Variants in NOC2L observed in about 807,000 individuals in gnomAD.
The protein encoded by NOC2L is nucleolar complex protein 2 homolog.
Under a neutral mutation model 94.2 loss-of-function variants are expected in NOC2L, and 101 were observed. The ratio of observed to expected loss-of-function variants is 1.07; its 90% confidence interval spans 0.91 to 1.26. NOC2L has a LOEUF of 1.26. NOC2L is among the 50% of genes most tolerant of loss of function. The probability of loss-of-function intolerance (pLI) is 0.00; values close to 1 mark genes in which losing one functional copy is unlikely to be tolerated. For missense variants in NOC2L, 1,076 were observed against 980.1 expected (o/e 1.10, Z -1.31); for synonymous variants, 531 against 413.4 (o/e 1.28, Z -3.45).
intron 6 of NOC2L, among the ~76,000 whole-genome samples, chr1:955,550 G>A (rs562997591): frequency 1.3e-5 from 2 of 152,200 alleles, no homozygotes; most frequent in African/African-American, 4.8e-5. Flanking sequence ...CACAGCTCCA[G>A]GAAACAGGCC....
intron 12 of NOC2L, among the ~76,000 whole-genome samples, chr1:949,853 C>T (rs1446512688): frequency 6.6e-6 from 1 of 152,204 alleles, no homozygotes; most frequent in Non-Finnish European, 1.5e-5. Flanking sequence ...GTGCCTGGGG[C>T]TTCCATACCT....
At chr1:952,720 G>A (rs984700017) in intron 9 of NOC2L, 120 bp from the exon 10 acceptor site, 40 of 983,866 alleles carry the variant, frequency 4.1e-5, no homozygotes, top group South Asian at 3.2e-4. Context: ...AGGAAGAGCC[G>A]TAGCCCCTTG....
At chr1:955,707 CT>C (rs1233897104) in intron 6 of NOC2L, among the ~76,000 whole-genome samples, 5 of 152,222 alleles carry the variant, frequency 3.3e-5, no homozygotes, top group Admixed American at 1.3e-4. Context: ...GACAACTTCC[CT>C]TTTCAGGAAG....
intron 12 of NOC2L, among the ~76,000 whole-genome samples, chr1:949,495 A>G (rs955541809): frequency 6.6e-6 from 1 of 152,236 alleles, no homozygotes; most frequent in Non-Finnish European, 1.5e-5. Flanking sequence ...GGCACGGCCT[A>G]CAGCTGAGGG....
intron 12 of NOC2L, among the ~76,000 whole-genome samples, chr1:950,298 G>A (rs1642219684): frequency 6.6e-6 from 1 of 151,412 alleles, no homozygotes; most frequent in Non-Finnish European, 1.5e-5. Flanking sequence ...GGTGCACACA[G>A]GTACATAGAT....
chr1:945,983 C>T (rs1642096885), intron 16 of NOC2L, among the ~76,000 whole-genome samples, 190 bp downstream of exon 16: 1 of 152,228 alleles, frequency 6.6e-6, no homozygotes, highest in Admixed American at 6.5e-5. Context: ...CTGGGGCTTC[C>T]CCTCCCTGGA....
intron 12 of NOC2L, among the ~76,000 whole-genome samples, chr1:948,820 GTCCCCGAGTGGGGC>G (rs1287095883): frequency 1.3e-5 from 2 of 150,920 alleles, no homozygotes; most frequent in Non-Finnish European, 3.0e-5. Context: ...AGCCTGGCGT[GTCCCCGAGTGGGGC>G]TCTGATCAGC....
chr1:957,297 C>T (rs752851145), intron 2 of NOC2L, 24 bp from the exon 3 acceptor site: 1 of 1,610,468 alleles, frequency 6.2e-7, no homozygotes. Flanking sequence ...AGTCAGCGAC[C>T]CCAGTGGGAA....
chr1:952,808 C>A (rs964178983), intron 9 of NOC2L, among the ~76,000 whole-genome samples: 1 of 152,206 alleles, frequency 6.6e-6, no homozygotes, highest in Admixed American at 6.5e-5. Flanking sequence ...GCACACTGGG[C>A]CCCTCTGGGG....
At chr1:954,104 C>G (rs1642335597) in intron 6 of NOC2L, 22 bp from the exon 7 acceptor site, 1 of 1,609,340 alleles carries the variant, frequency 6.2e-7, no homozygotes, top group Non-Finnish European at 8.5e-7. Flanking sequence ...CCACCCACCC[C>G]TGGCTGGGAG....
chr1:945,491 C>A, intron 17 of NOC2L, 27 bp downstream of exon 17: 1 of 1,612,202 alleles, frequency 6.2e-7, no homozygotes, highest in Non-Finnish European at 8.5e-7. Context: ...GCCCACCCTT[C>A]CCCTGGGAGC....
Position 948,534 on chromosome 1 carries a change from T to A in NOC2L, c.1513A>T (p.Ile505Phe), listed in dbSNP as rs1479193970. The A allele has an allele frequency of 6.2e-7, 1 of 1,613,622 alleles. No homozygotes were observed. The highest frequency in any genetic ancestry group is 2.2e-5 in the East Asian group (1 of 44,874). ...MSSKPINFSV[I>F]LKLSNVNLQE... ...AGGTTGACATTGGACAGCTTCAGGA[T>A]CACGGAGAAGTTGATGGGCTTGGAG... Residue 505 changes from isoleucine (I) to phenylalanine (F), a missense_variant, in exon 13 of 19, where the codon ATC becomes TTC. Physicochemically the swap from Ile to Phe is conservative, Grantham distance 21. Around this residue, in one of 3 missense-constraint regions of NOC2L, gnomAD observed 615 missense variants for 577.4 expected, o/e 1.07. Transcript: ENST00000327044.
intron 13 of NOC2L, 50 bp from the exon 14 acceptor site, chr1:948,282 G>A: frequency 2.1e-6 from 3 of 1,437,302 alleles, no homozygotes; most frequent in Non-Finnish European, 2.9e-6. Context: ...GCTGGGGCTG[G>A]GCACTCAGGC....
chr1:944,242 C>G lies in NOC2L; in HGVS notation c.*452G>C, dbSNP rs894087603. On this transcript the variant is annotated 3_prime_UTR_variant, in exon 19 of 19. Coordinates refer to ENST00000327044, the MANE Select transcript of NOC2L (RefSeq NM_015658.4). ...CTGCCTCCCACCGCTTTATTTCTTTCGGTTTCGGATGCAAAACAAAAAATT... is the reference window on the plus strand; with the variant it reads ...CTGCCTCCCACCGCTTTATTTCTTTGGGTTTCGGATGCAAAACAAAAAATT... 4 of 1,447,196 alleles carry G rather than the reference C, an allele frequency of 2.8e-6. No homozygotes were observed. The South Asian group carries it at 5.1e-5, about 19-fold the overall frequency. 89.6% of individuals were successfully genotyped at this position (1,447,196 alleles called of 1,614,324 possible).
intron 9 of NOC2L, among the ~76,000 whole-genome samples, 188 bp downstream of exon 9, chr1:952,987 G>T (rs1381795126): frequency 6.6e-6 from 1 of 152,150 alleles, no homozygotes; most frequent in African/African-American, 2.4e-5. Flanking sequence ...AGAAGGCCGA[G>T]GGCTCTCTTC....
Position 948,230 on chromosome 1 carries a change from G to C in NOC2L, c.1560C>G (p.Asp520Glu), listed in dbSNP as rs573900479. 1.8e-5 allele frequency: 28 copies of C among 1,577,038 alleles called. 1 individual carries two copies. The South Asian group carries it at 3.0e-4, about 17-fold the overall frequency. ...GGTCGTACAGCTGCTCCACCAGGCC[G>C]TCCTGAAGAGCAGGAGAGAGGGCCG... ...NVNLQEKAYR[D>E]GLVEQLYDLT... The change falls in exon 14 of 19, where the codon GAC becomes GAG. Residue 520 changes from aspartate to glutamate, a missense_variant and splice_region_variant. Asp to Glu is a conservative substitution (Grantham distance 45). Transcript: ENST00000327044.
chr1:951,834 G>C (rs1642267018), intron 11 of NOC2L, among the ~76,000 whole-genome samples, 166 bp downstream of exon 11: 2 of 152,202 alleles, frequency 1.3e-5, no homozygotes, highest in Non-Finnish European at 1.5e-5. Flanking sequence ...CCAGAATCCA[G>C]AGCATCTCCC....
chr1:949,052 A>AAAGACAGCG (rs1440719420), intron 12 of NOC2L, among the ~76,000 whole-genome samples: 1 of 151,838 alleles, frequency 6.6e-6, no homozygotes, highest in Non-Finnish European at 1.5e-5. Flanking sequence ...CAGCAACAGC[A>AAAGACAGCG]AAGAGTGCCA....
chr1:955,054 C>A (rs1446317144), intron 6 of NOC2L, among the ~76,000 whole-genome samples: 1 of 152,254 alleles, frequency 6.6e-6, no homozygotes, highest in Non-Finnish European at 1.5e-5. Flanking sequence ...CTCCCCACGG[C>A]CTGACTCCCT....
Sources: allele counts gnomAD v4.1 joint callset (sites outside exome capture counted in the v4.1 genomes callset), GRCh38; gene constraint gnomAD v4.1.1; regional missense constraint gnomAD v4.1.1; transcripts MANE v1.5; gene names NCBI Gene and HGNC (gene_info 2026-07-23, HGNC 2026-07-21).